Variants in RNLS observed in about 807,000 individuals in gnomAD.
RNLS encodes renalase.
Under a neutral mutation model 39.8 loss-of-function variants are expected in RNLS, and 39 were observed. That is an observed-to-expected ratio of 0.98 (90% confidence interval 0.76 to 1.28). RNLS has a LOEUF of 1.28. Among genes scored for constraint, RNLS ranks in the 50% most tolerant of loss-of-function variants. The pLI is 0.00. For synonymous variants in RNLS, 147 were observed against 150.7 expected (o/e 0.98, Z 0.18); for missense variants, 410 against 413.3 (o/e 0.99, Z 0.07).
At chr10:88,241,511 T>C in the RNLS span, among the ~76,000 whole-genome samples, 3 of 152,230 alleles carry the variant, frequency 2.0e-5, no homozygotes, top group Non-Finnish European at 2.9e-5. Flanking sequence ...TCATGTCTAG[T>C]ACTGTTTATT....
At chr10:88,302,548 T>C (rs1844605314) in intron 6 of RNLS, among the ~76,000 whole-genome samples, 1 of 152,236 alleles carries the variant, frequency 6.6e-6, no homozygotes, top group East Asian at 1.9e-4. Context: ...CTAAATTTTT[T>C]TTAATTGTTA....
At chr10:88,267,421 A>G in the RNLS span, among the ~76,000 whole-genome samples, 1 of 152,068 alleles carries the variant, frequency 6.6e-6, no homozygotes, top group East Asian at 1.9e-4. Context: ...ACCAAAGGGG[A>G]AAAAATTAGC....
intron 4 of RNLS, among the ~76,000 whole-genome samples, chr10:88,443,030 C>A (rs951315324): frequency 6.6e-5 from 10 of 152,160 alleles, no homozygotes; most frequent in Admixed American, 1.3e-4. Flanking sequence ...AAACTTCAGT[C>A]TCATTTTCCC....
At chr10:88,366,483 TA>T (rs1025871169) in intron 4 of RNLS, among the ~76,000 whole-genome samples, 7 of 151,504 alleles carry the variant, frequency 4.6e-5, no homozygotes, top group African/African-American at 1.5e-4. Flanking sequence ...AATATGTGTA[TA>T]TACTCTTAAA....
chr10:88,535,851 C>T (rs1160756181), intron 4 of RNLS, among the ~76,000 whole-genome samples: 1 of 152,070 alleles, frequency 6.6e-6, no homozygotes, highest in East Asian at 1.9e-4. Context: ...TCAGATGAAC[C>T]TTTTCTTAGA....
intron 4 of RNLS, among the ~76,000 whole-genome samples, chr10:88,494,107 T>C (rs1278932433): frequency 6.6e-6 from 1 of 152,138 alleles, no homozygotes; most frequent in African/African-American, 2.4e-5. Context: ...AACACATGCA[T>C]TCACAATGAC....
the RNLS span, among the ~76,000 whole-genome samples, chr10:88,252,115 T>C: frequency 6.6e-6 from 1 of 152,196 alleles, no homozygotes; most frequent in Non-Finnish European, 1.5e-5. Context: ...GTGGGTCACC[T>C]AACCTGCTCT....
intron 4 of RNLS, among the ~76,000 whole-genome samples, chr10:88,405,410 A>G (rs543876531): frequency 6.6e-6 from 1 of 152,100 alleles, no homozygotes; most frequent in East Asian, 1.9e-4. Context: ...TAGGACTGTG[A>G]TATTTTCCTG....
rs1030908264 is a variant in RNLS at position 88,560,969 on chromosome 10, C to G, written c.526+11934G>C. On this transcript the variant is annotated intron_variant, in intron 4 of 6. Transcript: ENST00000331772. ...ACACACACACACACACACACACACA[C>G]ACACATACACACACAGACCCATAAT... is the stretch of plus-strand genomic sequence containing the variant. 2.6e-5 allele frequency among the ~76,000 whole-genome samples: 4 copies of G among 151,798 alleles called. No homozygotes were observed. In the South Asian group the frequency reaches 6.2e-4, roughly 24 times the overall value.
chr10:88,466,575 G>A (rs939186257), intron 4 of RNLS, among the ~76,000 whole-genome samples: 4 of 152,010 alleles, frequency 2.6e-5, no homozygotes, highest in South Asian at 2.1e-4. Context: ...TTTGCAACCC[G>A]CCTCCACCTT....
At chr10:88,339,532 A>G (rs1847773774) in intron 5 of RNLS, among the ~76,000 whole-genome samples, 1 of 152,166 alleles carries the variant, frequency 6.6e-6, no homozygotes, top group Non-Finnish European at 1.5e-5. Flanking sequence ...TAGTTTTCTC[A>G]ACTATAAAAT....
chr10:88,553,950 A>G (rs1848724126), intron 4 of RNLS, among the ~76,000 whole-genome samples: 1 of 152,160 alleles, frequency 6.6e-6, no homozygotes, highest in South Asian at 2.1e-4. Context: ...ATGGATACAT[A>G]AATGTTTTAA....
chr10:88,234,074 C>G, the RNLS span, among the ~76,000 whole-genome samples: 1 of 148,202 alleles, frequency 6.7e-6, no homozygotes, highest in African/African-American at 2.5e-5. Context: ...TGGCCCTGAC[C>G]CCCCTGCAGC....
chr10:88,223,509 T>C, the RNLS span, among the ~76,000 whole-genome samples: 5 of 152,360 alleles, frequency 3.3e-5, no homozygotes, highest in African/African-American at 1.2e-4. Flanking sequence ...ACGATCTTCA[T>C]GTTGCTGCCA....
At chr10:88,231,752 G>A in the RNLS span, among the ~76,000 whole-genome samples, 4 of 152,312 alleles carry the variant, frequency 2.6e-5, no homozygotes, top group South Asian at 8.3e-4. Context: ...AATAGAGACA[G>A]ATTCCAAGAT....
intron 4 of RNLS, among the ~76,000 whole-genome samples, chr10:88,465,281 T>A (rs1843138517): frequency 6.6e-6 from 1 of 152,084 alleles, no homozygotes; most frequent in Admixed American, 6.6e-5. Context: ...TAGGCACAAA[T>A]CCCTAAATTT....
intron 4 of RNLS, among the ~76,000 whole-genome samples, chr10:88,564,737 T>A (rs1272880199): frequency 6.6e-6 from 1 of 152,132 alleles, no homozygotes; most frequent in South Asian, 2.1e-4. Context: ...AGCACTATTA[T>A]AGAATCAGAA....
chr10:88,236,937 G>A, the RNLS span, among the ~76,000 whole-genome samples: 2 of 152,064 alleles, frequency 1.3e-5, no homozygotes, highest in Admixed American at 1.3e-4. Flanking sequence ...CTACTTCGAA[G>A]TTCTAAAATT....
At chr10:88,496,217 T>G (rs1356754009) in intron 4 of RNLS, among the ~76,000 whole-genome samples, 1 of 152,058 alleles carries the variant, frequency 6.6e-6, no homozygotes, top group Non-Finnish European at 1.5e-5. Context: ...TAGACAAGAC[T>G]GTATGAATCC....
Sources: allele counts gnomAD v4.1 joint callset (sites outside exome capture counted in the v4.1 genomes callset), GRCh38; gene constraint gnomAD v4.1.1; transcripts MANE v1.5; gene names NCBI Gene and HGNC (gene_info 2026-07-23, HGNC 2026-07-21).